Variants in NELL2 observed in about 807,000 individuals in gnomAD.
NELL2 encodes neural EGFL like 2.
A neutral mutation model predicts 109.6 loss-of-function variants in NELL2; 41 were observed. The observed-to-expected ratio is 0.37, with a 90% confidence interval of 0.29 to 0.49. NELL2 has a LOEUF of 0.49. Among genes scored for constraint, NELL2 ranks in the 20% least tolerant of loss-of-function variants. The probability of loss-of-function intolerance (pLI) is 0.98; values close to 1 mark genes in which losing one functional copy is unlikely to be tolerated. For synonymous variants in NELL2, 355 were observed against 344.7 expected, an observed-to-expected ratio of 1.03 and a Z score of -0.33; for missense variants, 900 against 1,008.3, an observed-to-expected ratio of 0.89 and a Z score of 1.45.
intron 13 of NELL2, among the ~76,000 whole-genome samples, chr12:44,616,177 A>ATAAATATAT (rs1487169814): frequency 6.6e-6 from 1 of 152,114 alleles, no homozygotes; most frequent in African/African-American, 2.4e-5. Context: ...CTCTTCTGGT[A>ATAAATATAT]ACAGAACATA....
chr12:44,576,159 T>G (rs1279273664), intron 15 of NELL2, among the ~76,000 whole-genome samples: 2 of 152,162 alleles, frequency 1.3e-5, no homozygotes, highest in African/African-American at 2.4e-5. Context: ...TTCAAACCAA[T>G]GACCTCAGTA....
intron 2 of NELL2, among the ~76,000 whole-genome samples, chr12:44,831,217 C>G (rs937059264): frequency 6.6e-6 from 1 of 151,904 alleles, no homozygotes; most frequent in African/African-American, 2.4e-5. Context: ...TTACTGGGAG[C>G]TCTATAATCT....
chr12:44,801,479 A>C (rs1391484160), intron 3 of NELL2, among the ~76,000 whole-genome samples: 1 of 152,148 alleles, frequency 6.6e-6, no homozygotes, highest in Non-Finnish European at 1.5e-5. Context: ...GTGCTGCTCT[A>C]AAACAAGCAG....
intron 15 of NELL2, among the ~76,000 whole-genome samples, chr12:44,546,472 A>G (rs1942799442): frequency 1.3e-5 from 2 of 152,156 alleles, no homozygotes; most frequent in African/African-American, 4.8e-5. Flanking sequence ...TCTCTCCCAC[A>G]TAGATAATTG....
At chr12:44,799,672 A>G (rs748306338) in intron 3 of NELL2, among the ~76,000 whole-genome samples, 1 of 152,196 alleles carries the variant, frequency 6.6e-6, no homozygotes, top group Non-Finnish European at 1.5e-5. Flanking sequence ...TCATTTAAAT[A>G]TAAGTACTAG....
At chr12:44,782,131 G>C (rs374604523) in intron 3 of NELL2, among the ~76,000 whole-genome samples, 9 of 151,902 alleles carry the variant, frequency 5.9e-5, no homozygotes, top group East Asian at 3.9e-4. Context: ...TTATAAATGA[G>C]TGAGGGTAAA....
intron 2 of NELL2, among the ~76,000 whole-genome samples, chr12:44,834,663 G>A (rs936238159): frequency 2.0e-5 from 3 of 152,074 alleles, no homozygotes; most frequent in Non-Finnish European, 2.9e-5. Context: ...TGCCCTACTC[G>A]AAGTGTGAGC....
At chr12:44,870,126 A>T (rs541612473) in intron 2 of NELL2, among the ~76,000 whole-genome samples, 1 of 152,228 alleles carries the variant, frequency 6.6e-6, no homozygotes, top group East Asian at 1.9e-4. Flanking sequence ...CTTTATATCC[A>T]TCTGAGCCCT....
At chr12:44,779,221 T>C (rs563754614) in intron 5 of NELL2, among the ~76,000 whole-genome samples, 1 of 152,350 alleles carries the variant, frequency 6.6e-6, no homozygotes, top group East Asian at 1.9e-4. Context: ...GACAGATTTG[T>C]GCACATATGT....
intron 13 of NELL2, among the ~76,000 whole-genome samples, chr12:44,638,358 C>T (rs1946726251): frequency 6.6e-6 from 1 of 152,010 alleles, no homozygotes; most frequent in South Asian, 2.1e-4. Flanking sequence ...GGTAAATGAC[C>T]TTTTGAGGAT....
intron 3 of NELL2, among the ~76,000 whole-genome samples, chr12:44,806,979 A>G (rs1943022093): frequency 6.6e-6 from 1 of 151,746 alleles, no homozygotes; most frequent in African/African-American, 2.4e-5. Flanking sequence ...AGTACACTAA[A>G]ATAAGTTATA....
intron 15 of NELL2, among the ~76,000 whole-genome samples, chr12:44,582,108 G>T (rs901241658): frequency 7.9e-5 from 12 of 152,150 alleles, no homozygotes; most frequent in Middle Eastern, 3.2e-3. Context: ...GTAGGAGGAG[G>T]GTGGGTAAAG....
intron 9 of NELL2, among the ~76,000 whole-genome samples, chr12:44,736,035 G>T (rs891850819): frequency 1.0e-4 from 14 of 138,472 alleles, no homozygotes; most frequent in African/African-American, 3.8e-4. Flanking sequence ...TTTTCTGACG[G>T]AGTTTCGCTC....
intron 1 of NELL2, among the ~76,000 whole-genome samples, chr12:44,903,704 A>G (rs147205715): frequency 0.035 from 5,293 of 152,296 alleles, 200 homozygotes; most frequent in African/African-American, 0.085. Flanking sequence ...AATACTATGC[A>G]GCCATAAAAA....
intron 15 of NELL2, among the ~76,000 whole-genome samples, chr12:44,598,134 A>C (rs2136234145): frequency 6.6e-6 from 1 of 150,750 alleles, no homozygotes; most frequent in African/African-American, 2.5e-5. Flanking sequence ...AAGTCTAAAA[A>C]AATTAACCTG....
chr12:44,844,992 A>C (rs1398938478), intron 2 of NELL2, among the ~76,000 whole-genome samples: 1 of 152,176 alleles, frequency 6.6e-6, no homozygotes, highest in Non-Finnish European at 1.5e-5. Context: ...GAAATTTTTT[A>C]CATACCCTTT....
chr12:44,686,489 C>T (rs1290952981), intron 12 of NELL2, among the ~76,000 whole-genome samples: 1 of 152,220 alleles, frequency 6.6e-6, no homozygotes, highest in South Asian at 2.1e-4. Context: ...AGGAGAGGCG[C>T]TCTGCTTTTT....
At chr12:44,850,435 T>C (rs1042318629) in intron 2 of NELL2, among the ~76,000 whole-genome samples, 2 of 152,104 alleles carry the variant, frequency 1.3e-5, no homozygotes, top group Admixed American at 6.5e-5. Context: ...AGGAGAGCCA[T>C]TTAAAAAATA....
chr12:44,625,650 G>A (rs1230511953), intron 13 of NELL2, among the ~76,000 whole-genome samples: 1 of 151,988 alleles, frequency 6.6e-6, no homozygotes, highest in Non-Finnish European at 1.5e-5. Flanking sequence ...CATCTAGAAT[G>A]TTCTAAGAAG....
Sources: allele counts gnomAD v4.1 joint callset (sites outside exome capture counted in the v4.1 genomes callset), GRCh38; gene constraint gnomAD v4.1.1; transcripts MANE v1.5; gene names NCBI Gene and HGNC (gene_info 2026-07-23, HGNC 2026-07-21).